Variants in SLC26A9 observed in about 807,000 individuals in gnomAD.
The protein encoded by SLC26A9 is solute carrier family 26 member 9.
Under a neutral mutation model 87.1 loss-of-function variants are expected in SLC26A9, and 46 were observed. The observed-to-expected ratio is 0.53, with a 90% CI of 0.42 to 0.67. The LOEUF (loss-of-function observed/expected upper bound fraction) is 0.67, where lower values mean the gene tolerates loss of function less well. SLC26A9 is among the 30% of genes least tolerant of loss of function. SLC26A9 has a pLI of 0.00. For synonymous variants in SLC26A9, 437 were observed against 409.1 expected (o/e 1.07, Z -0.82); for missense variants, 927 against 1,018.3 (o/e 0.91, Z 1.22).
chr1:205,935,428 G>A (rs1659470033), intron 2 of SLC26A9, among the ~76,000 whole-genome samples: 1 of 152,278 alleles, frequency 6.6e-6, no homozygotes, highest in African/African-American at 2.4e-5. Flanking sequence ...AGAGACCCGG[G>A]TGAATTGAGA....
In SLC26A9 at chr1:205,914,766, G is replaced by A. The variant is rs557653507; in HGVS notation, c.*591C>T. On this transcript the variant is annotated 3_prime_UTR_variant, in exon 21 of 21. Coordinates refer to ENST00000367135, the MANE Select transcript of SLC26A9 (RefSeq NM_052934.4). The stretch of plus-strand genomic sequence containing the variant: ...GGCAGCCTTGGGGATGATGGAGGGG[G>A]GGCGCATAGTTACCAAGGCCTAGAC... The A allele has an allele frequency of 1.7e-6, 2 of 1,187,218 alleles. No individual in the cohort carries two copies. Among genetic ancestry groups the A allele is most frequent in the African/African-American group, 1.5e-5 (1 of 65,430 alleles). 73.5% of individuals were successfully genotyped at this position (1,187,218 alleles called of 1,614,324 possible). A position where few individuals can be genotyped will look rare whatever the true frequency, so the allele number is the denominator to read the frequency against.
chr1:205,914,881 C>G lies in SLC26A9; in HGVS notation c.*476G>C, dbSNP rs1658510553. 7 of 1,600,478 alleles carry G rather than the reference C, an allele frequency of 4.4e-6. No homozygotes were observed. The highest frequency in any genetic ancestry group is 5.1e-6 in the Non-Finnish European group (6 of 1,172,212). Reference sequence around the variant, plus strand: ...GGGGAAGGCAAGCCAGAGTCCTAACCAAGTTTATCCCTATGTCCGTGACAG... The same window carrying G: ...GGGGAAGGCAAGCCAGAGTCCTAACGAAGTTTATCCCTATGTCCGTGACAG... On this transcript the variant is annotated 3_prime_UTR_variant, in exon 21 of 21. Coordinates refer to ENST00000367135, the MANE Select transcript of SLC26A9 (RefSeq NM_052934.4).
In SLC26A9 at chr1:205,931,966, T is replaced by A; in HGVS notation, c.446A>T (p.Gln149Leu). 6.2e-7 allele frequency: 1 copy of A among 1,614,214 alleles called. No individual in the cohort carries two copies. Among genetic ancestry groups the A allele is most frequent in the Non-Finnish European group, 8.5e-7 (1 of 1,180,028 alleles). ...CTCATTGGTGGCATTGTTGAAGACC[T>A]GGAATTTCGACTCTGGGGCCAGCTG... ...CLQLAPESKFQVFNNATNESY... is the reference protein window; with the variant it reads ...CLQLAPESKFLVFNNATNESY... Residue 149 changes from glutamine (Q) to leucine (L), a missense_variant, in exon 5 of 21, where the codon CAG becomes CTG. Coordinates refer to ENST00000367135, the MANE Select transcript of SLC26A9 (RefSeq NM_052934.4).
At chr1:205,923,884 T>C (rs1454027909) in intron 13 of SLC26A9, among the ~76,000 whole-genome samples, 1 of 152,164 alleles carries the variant, frequency 6.6e-6, no homozygotes, top group Admixed American at 6.5e-5. Flanking sequence ...GGAGTCGCCC[T>C]GAAGTCATCA....
Position 205,920,196 on chromosome 1 carries a change from A to G in SLC26A9, c.2090T>C (p.Val697Ala). The G allele has an allele frequency of 1.2e-6, 2 of 1,614,012 alleles. No homozygotes were observed. The highest frequency in any genetic ancestry group is 1.7e-6 in the Non-Finnish European group (2 of 1,179,922). Residue 697 changes from valine (V) to alanine (A), a missense_variant, in exon 18 of 21, where the codon GTC becomes GCC. Physicochemically the swap from Val to Ala is moderately conservative, Grantham distance 64. Transcript: ENST00000367135. ...CTTACCATGGATGTTCACCAAGAAG[A>G]CCTTCACGCCGATCTTCCCATAGGT... is the stretch of plus-strand genomic sequence containing the variant. ...SSTYGKIGVK[V>A]FLVNIHAQVY...
intron 6 of SLC26A9, 87 bp from the exon 7 acceptor site, chr1:205,929,443 G>A: frequency 6.5e-7 from 1 of 1,544,538 alleles, no homozygotes; most frequent in African/African-American, 1.4e-5. Context: ...GGGAAGGGAT[G>A]CCATCAAAGC....
At chr1:205,932,155 C>A in intron 4 of SLC26A9, 120 bp from the exon 5 acceptor site, 1 of 1,171,694 alleles carries the variant, frequency 8.5e-7, no homozygotes, top group Non-Finnish European at 1.2e-6. Flanking sequence ...CTCCAAGGCT[C>A]TTCTCCAACA....
chr1:205,929,146 G>C (rs1659202905), intron 7 of SLC26A9, 58 bp downstream of exon 7: 1 of 1,579,600 alleles, frequency 6.3e-7, no homozygotes, highest in African/African-American at 1.3e-5. Context: ...GAAAGGTAGG[G>C]GCTTCCTCGT....
At chr1:205,920,582 C>A (rs1558119862) in intron 17 of SLC26A9, among the ~76,000 whole-genome samples, 1 of 152,154 alleles carries the variant, frequency 6.6e-6, no homozygotes, top group Non-Finnish European at 1.5e-5. Flanking sequence ...CTCGCTGCAA[C>A]CTCCGCCTCC....
chr1:205,917,326 T>C lies in SLC26A9; in HGVS notation c.2285A>G (p.Tyr762Cys), dbSNP rs1445687345. 6 of 1,613,906 alleles carry C rather than the reference T, an allele frequency of 3.7e-6. No homozygotes were observed. The highest frequency in any genetic ancestry group is 5.1e-6 in the Non-Finnish European group (6 of 1,179,974). The change falls in exon 20 of 21, where the codon TAC (tyrosine) becomes TGC (cysteine). Residue 762 changes from tyrosine (Y) to cysteine (C), a missense_variant. Coordinates refer to ENST00000367135, the MANE Select transcript of SLC26A9 (RefSeq NM_052934.4). The part of the protein sequence containing the change: ...GAPGDAELSL[Y>C]DSEEDIRSYW... ...GCTGCGAATGTCCTCCTCTGAGTCGTACAAGGAGAGCTCAGCATCCCCTGG... is the reference window on the plus strand; with the variant it reads ...GCTGCGAATGTCCTCCTCTGAGTCGCACAAGGAGAGCTCAGCATCCCCTGG...
intron 16 of SLC26A9, 112 bp from the exon 17 acceptor site, chr1:205,921,959 G>A (rs926678806): frequency 1.1e-5 from 15 of 1,331,158 alleles, no homozygotes; most frequent in African/African-American, 4.4e-5. Context: ...AACTCGCCTC[G>A]GTGATGGTGA....
At chr1:205,936,280 A>T (rs899056760) in intron 1 of SLC26A9, among the ~76,000 whole-genome samples, 1 of 152,316 alleles carries the variant, frequency 6.6e-6, no homozygotes, top group Middle Eastern at 3.4e-3. Context: ...TCAGCCAGTC[A>T]GCTTGGAAGA....
chr1:205,927,536 G>A lies in SLC26A9; in HGVS notation c.1171C>T (p.Leu391Phe). ...FFKIHVICCA[L>F]SVTLAVDGAG... The stretch of plus-strand genomic sequence containing the variant: ...CCATCCACAGCCAGAGTGACAGAAA[G>A]CGCACAGCAAATGACATGAATTTTA... Residue 391 changes from leucine (L) to phenylalanine (F), a missense_variant, in exon 10 of 21, where the codon CTT becomes TTT. Physicochemically the swap from Leu to Phe is conservative, Grantham distance 22. Transcript: ENST00000367135. The A allele has an allele frequency of 6.2e-7, 1 of 1,614,118 alleles. No homozygotes were observed. The highest frequency in any genetic ancestry group is 8.5e-7 in the Non-Finnish European group (1 of 1,180,016).
chr1:205,917,559 G>A (rs916945295), intron 19 of SLC26A9, among the ~76,000 whole-genome samples: 4 of 152,070 alleles, frequency 2.6e-5, no homozygotes, highest in East Asian at 3.9e-4. Context: ...GGTGTGTATC[G>A]CGGTCTTCCC....
At position 205,915,209 on chromosome 1, in the gene SLC26A9, G is replaced by GGAGGAGAGAGGGGGA. The variant is rs1489998770; in HGVS notation, c.*133_*147dup. ...CTGGAGATGCGGGGAGGGAAGGAAGGGAGGAGAGAGGGGGAGAGGAGAGAG... is the reference window on the plus strand; with the variant it reads ...CTGGAGATGCGGGGAGGGAAGGAAGGGAGGAGAGAGGGGGAGAGGAGAGAGGGGGAGAGGAGAGAG... On this transcript the variant is annotated 3_prime_UTR_variant, in exon 21 of 21. Coordinates refer to ENST00000367135, the MANE Select transcript of SLC26A9 (RefSeq NM_052934.4). The GGAGGAGAGAGGGGGA allele has an allele frequency of 6.2e-7, 1 of 1,608,414 alleles. No homozygotes were observed. Among genetic ancestry groups the GGAGGAGAGAGGGGGA allele is most frequent in the Non-Finnish European group, 8.5e-7 (1 of 1,176,450 alleles).
rs976727524 is a variant in SLC26A9, at chr1:205,914,819, T to A, written c.*538A>T. On this transcript the variant is annotated 3_prime_UTR_variant, in exon 21 of 21. Transcript: ENST00000367135. ...CTGGGTGTGGAGAGCACATGGTCCC[T>A]GGGTGCAGAGCTGCCAGAGACAGAG... 3.2e-6 allele frequency: 5 copies of A among 1,540,950 alleles called. No individual in the cohort carries two copies. In the Admixed American group the frequency reaches 9.3e-5, roughly 29 times the overall value.
chr1:205,932,626 T>G lies in SLC26A9; in HGVS notation c.376+76A>C. 3.2e-6 allele frequency: 4 copies of G among 1,242,862 alleles called. No individual in the cohort carries two copies. In the South Asian group the frequency reaches 6.4e-5, roughly 20 times the overall value. 77.0% of individuals were successfully genotyped at this position (1,242,862 alleles called of 1,614,324 possible). ...TCCAGGAGAATGCAGATGGAAAATC[T>G]CCCGAGGCCCCTTTGCCACACCTCC... is the stretch of plus-strand genomic sequence containing the variant. On this transcript the variant is annotated intron_variant, in intron 4 of 20. Coordinates refer to ENST00000367135, the MANE Select transcript of SLC26A9 (RefSeq NM_052934.4).
rs376758647 is a variant in SLC26A9, at chr1:205,935,948, C to T, written c.-18-110G>A. The T allele has an allele frequency of 1.9e-5, 25 of 1,306,094 alleles. 1 individual carries two copies. Among genetic ancestry groups the T allele is most frequent in the East Asian group, 7.8e-5 (3 of 38,260 alleles). The allele number at this position is 1,306,094 out of a possible 1,614,324, so 80.9% of individuals were successfully genotyped here. On this transcript the variant is annotated intron_variant, in intron 1 of 20. Transcript: ENST00000367135. ...AGCAGAGTTTTATTCTGGCCTTCCC[C>T]GCCCCGATAAAGCAAGGTGCCTCCC...
chr1:205,929,915 T>C lies in SLC26A9; in HGVS notation c.694A>G (p.Thr232Ala). 3 of 1,609,798 alleles carry C rather than the reference T, an allele frequency of 1.9e-6. No homozygotes were observed. In the South Asian group the frequency reaches 3.3e-5, roughly 18 times the overall value. ...ACAAAGACGATGGACCCTGGGCCTGTGTAGGAGGGGATGGTCAGTCCGAAG... is the reference window on the plus strand; with the variant it reads ...ACAAAGACGATGGACCCTGGGCCTGCGTAGGAGGGGATGGTCAGTCCGAAG... ...YIFGLTIPSY[T>A]GPGSIVFTFI... The change falls in exon 6 of 21, where the codon ACA (threonine) becomes GCA (alanine). Residue 232 changes from threonine (T) to alanine (A), a missense_variant. Transcript: ENST00000367135.
Sources: allele counts gnomAD v4.1 joint callset (sites outside exome capture counted in the v4.1 genomes callset), GRCh38; gene constraint gnomAD v4.1.1; transcripts MANE v1.5; gene names NCBI Gene and HGNC (gene_info 2026-07-23, HGNC 2026-07-21).